The following NUP62CL variants were observed in gnomAD, a reference collection of about 807,000 sequenced individuals.
NUP62CL encodes nucleoporin 62 C-terminal like.
A neutral mutation model predicts 15.3 loss-of-function variants in NUP62CL; 13 were observed. The observed-to-expected ratio is 0.85, with a 90% CI of 0.55 to 1.35. NUP62CL has a LOEUF of 1.35. NUP62CL is among the 40% of genes most tolerant of loss of function. The pLI, the probability that NUP62CL is intolerant of heterozygous loss-of-function variation, is 0.00. For synonymous variants in NUP62CL, 54 were observed against 49.2 expected (o/e 1.10, Z -0.41); for missense variants, 123 against 130.6 (o/e 0.94, Z 0.28).
chrX:107,146,194 C>CTA (rs1365160573), intron 8 of NUP62CL, among the ~76,000 whole-genome samples: 1 of 111,324 alleles, frequency 9.0e-6, no homozygotes, highest in Non-Finnish European at 1.9e-5. Flanking sequence ...TCCTTTGTAA[C>CTA]TATTCAGTAA....
chrX:107,152,059 T>G (rs1231118121), intron 7 of NUP62CL, among the ~76,000 whole-genome samples: 3 of 69,006 alleles, frequency 4.3e-5, no homozygotes, highest in Non-Finnish European at 7.2e-5. Context: ...GATATATATA[T>G]ATATATATAT....
intron 4 of NUP62CL, among the ~76,000 whole-genome samples, chrX:107,157,423 G>A (rs1474092449): frequency 1.4e-4 from 15 of 107,658 alleles, no homozygotes; most frequent in East Asian, 2.9e-4. Flanking sequence ...GACTAACAGC[G>A]GATCTCTCAG....
In NUP62CL at chrX:107,205,475, A is replaced by G. The variant is rs559400910; in HGVS notation, c.-92+798T>C. Among the ~76,000 whole-genome samples the G allele has an allele frequency of 5.4e-5, 6 of 111,664 alleles. No individual in the cohort carries two copies. The East Asian group carries it at 1.4e-3, about 26-fold the overall frequency. ...CTGTAGATAAGAACAAGTAGAAGGG[A>G]CAAATTAATCAAACTTCACTATCTC... is the stretch of plus-strand genomic sequence containing the variant. On this transcript the variant is annotated intron_variant, in intron 1 of 8. Transcript: ENST00000372466.
chrX:107,139,048 T>C (rs1925708634), intron 8 of NUP62CL, among the ~76,000 whole-genome samples: 1 of 111,400 alleles, frequency 9.0e-6, no homozygotes, highest in Admixed American at 9.6e-5. Flanking sequence ...AAAAAGCCAA[T>C]CCCAAAAGGT....
At chrX:107,181,205 G>A (rs1602659808) in intron 2 of NUP62CL, among the ~76,000 whole-genome samples, 2 of 110,161 alleles carry the variant, frequency 1.8e-5, no homozygotes, top group East Asian at 5.7e-4. Context: ...CATGAGCCAT[G>A]CACCTGGCTA....
intron 3 of NUP62CL, among the ~76,000 whole-genome samples, chrX:107,169,967 T>C (rs1477070998): frequency 9.1e-6 from 1 of 110,118 alleles, no homozygotes; most frequent in Non-Finnish European, 1.9e-5. Context: ...CCCAGCACTT[T>C]GGGAGGCCGA....
At chrX:107,176,491 A>C (rs1470846170) in intron 2 of NUP62CL, among the ~76,000 whole-genome samples, 6 of 110,777 alleles carry the variant, frequency 5.4e-5, no homozygotes, top group Non-Finnish European at 1.1e-4. Context: ...ATGGACAGAA[A>C]GTATATTAAT....
intron 1 of NUP62CL, among the ~76,000 whole-genome samples, chrX:107,193,558 T>G (rs1251005066): frequency 8.9e-6 from 1 of 111,798 alleles, no homozygotes; most frequent in African/African-American, 3.2e-5. Context: ...TTTATGTTTG[T>G]GATGTAGAAA....
chrX:107,188,701 A>G (rs1336593334), intron 2 of NUP62CL, among the ~76,000 whole-genome samples: 1 of 111,696 alleles, frequency 9.0e-6, no homozygotes, highest in East Asian at 2.8e-4. Flanking sequence ...TGACATAATT[A>G]TCTATGTAGA....
intron 2 of NUP62CL, among the ~76,000 whole-genome samples, chrX:107,192,299 C>A (rs990240661): frequency 8.9e-6 from 1 of 112,352 alleles, no homozygotes; most frequent in African/African-American, 3.2e-5. Context: ...GTCCACAGTA[C>A]AGAATTCAGT....
intron 7 of NUP62CL, among the ~76,000 whole-genome samples, chrX:107,148,114 A>C (rs1925922347): frequency 9.0e-6 from 1 of 111,698 alleles, no homozygotes; most frequent in Non-Finnish European, 1.9e-5. Flanking sequence ...TTCACATAAA[A>C]AAATTAAAAA....
chrX:107,146,219 T>C (rs1156762125), intron 8 of NUP62CL, among the ~76,000 whole-genome samples: 1 of 111,348 alleles, frequency 9.0e-6, no homozygotes, highest in Non-Finnish European at 1.9e-5. Flanking sequence ...TGGAGTGATA[T>C]TTTTGAGACC....
At chrX:107,135,763 G>A (rs757861279) in intron 8 of NUP62CL, among the ~76,000 whole-genome samples, 22 of 111,602 alleles carry the variant, frequency 2.0e-4, no homozygotes, top group African/African-American at 6.8e-4. Flanking sequence ...TTCACTTTAC[G>A]TGATTTCAGT....
intron 7 of NUP62CL, among the ~76,000 whole-genome samples, chrX:107,152,079 GATAT>G (rs750141716): frequency 2.7e-5 from 1 of 37,398 alleles, no homozygotes; most frequent in Non-Finnish European, 4.1e-5. Context: ...TATATATTCA[GATAT>G]ATATATATAT....
At chrX:107,174,813 T>A (rs772732278) in intron 3 of NUP62CL, among the ~76,000 whole-genome samples, 1 of 112,323 alleles carries the variant, frequency 8.9e-6, no homozygotes, top group South Asian at 3.7e-4. Flanking sequence ...CTTCTGTTAA[T>A]AGCTTCAAGG....
chrX:107,160,954 A>G (rs1173942886), intron 4 of NUP62CL, among the ~76,000 whole-genome samples: 2 of 110,294 alleles, frequency 1.8e-5, no homozygotes, highest in Non-Finnish European at 3.8e-5. Context: ...AAACAACCCC[A>G]TCAAAAAGTG....
intron 8 of NUP62CL, chrX:107,132,332 A>G: frequency 1.5e-6 from 1 of 654,704 alleles, no homozygotes; most frequent in Non-Finnish European, 2.4e-6. Flanking sequence ...GAGTTCTTAC[A>G]TAAAAATAAT....
chrX:107,140,554 T>C (rs1569355030), intron 8 of NUP62CL, among the ~76,000 whole-genome samples: 1 of 111,700 alleles, frequency 9.0e-6, no homozygotes, highest in African/African-American at 3.3e-5. Flanking sequence ...TACCCTGGGA[T>C]GGAACAAATA....
intron 4 of NUP62CL, among the ~76,000 whole-genome samples, chrX:107,156,453 C>A (rs1290163599): frequency 9.4e-6 from 1 of 106,616 alleles, no homozygotes. Context: ...AGACTGCCTC[C>A]TCAAGTGGGT....
Sources: allele counts gnomAD v4.1 joint callset (sites outside exome capture counted in the v4.1 genomes callset), GRCh38; gene constraint gnomAD v4.1.1; transcripts MANE v1.5; gene names NCBI Gene and HGNC (gene_info 2026-07-23, HGNC 2026-07-21).